Variants in TENM2 observed in about 807,000 individuals in gnomAD.
TENM2 encodes teneurin transmembrane protein 2, also known as teneurin-2.
A neutral mutation model predicts 245.2 loss-of-function variants in TENM2; 52 were observed. That is an observed-to-expected ratio of 0.21 (90% CI 0.17 to 0.27). The LOEUF is 0.27. Among genes scored for constraint, TENM2 ranks in the 10% least tolerant of loss-of-function variants. The probability of loss-of-function intolerance (pLI) is 1.00; values close to 1 mark genes in which losing one functional copy is unlikely to be tolerated. For synonymous variants in TENM2, 1,363 were observed against 1,438.9 expected, an observed-to-expected ratio of 0.95 and a Z score of 1.19; for missense variants, 3,046 against 3,666.8, an observed-to-expected ratio of 0.83 and a Z score of 4.37.
intron 12 of TENM2, among the ~76,000 whole-genome samples, chr5:168,141,784 A>C (rs962239817): frequency 4.6e-5 from 7 of 152,228 alleles, no homozygotes; most frequent in Non-Finnish European, 1.0e-4. Context: ...CCACTTGGCT[A>C]TGCAGAATGA....
intron 2 of TENM2, among the ~76,000 whole-genome samples, chr5:167,704,998 A>G (rs1758407910): frequency 6.6e-6 from 1 of 152,156 alleles, no homozygotes; most frequent in Non-Finnish European, 1.5e-5. Flanking sequence ...TGGAGATTGA[A>G]TACTTTGAAG....
chr5:167,870,724 A>ATATG (rs1554135356), intron 2 of TENM2, among the ~76,000 whole-genome samples: 2 of 142,842 alleles, frequency 1.4e-5, no homozygotes, highest in African/African-American at 2.6e-5. Context: ...ATATATATAT[A>ATATG]TGTGTGATAA....
At chr5:167,210,338 C>G in the TENM2 span, among the ~76,000 whole-genome samples, 349 of 152,108 alleles carry the variant, frequency 2.3e-3, 3 homozygotes, top group African/African-American at 7.2e-3. Flanking sequence ...TCATATTCTG[C>G]AAAGCAGTCC....
In TENM2 at chr5:167,543,201, G is replaced by T. The variant is rs535353625; in HGVS notation, c.502+167728G>T. On this transcript the variant is annotated intron_variant, in intron 2 of 28. Transcript: ENST00000518659. ...GAGGGGGTGGTACTCTTATCATCCT[G>T]CAAGCTAGGCTGAGCTTCCTCAAAC... Among the ~76,000 whole-genome samples, 3 of 152,134 alleles carry T rather than the reference G, an allele frequency of 2.0e-5. No individual in the cohort carries two copies. In the South Asian group the frequency reaches 6.2e-4, roughly 31 times the overall value.
chr5:167,885,864 A>C (rs1774242567), intron 3 of TENM2, among the ~76,000 whole-genome samples: 1 of 152,136 alleles, frequency 6.6e-6, no homozygotes, highest in East Asian at 1.9e-4. Context: ...TTGCATTTTT[A>C]GTAGAGACTG....
chr5:167,662,350 G>C (rs1755268775), intron 2 of TENM2, among the ~76,000 whole-genome samples: 1 of 152,128 alleles, frequency 6.6e-6, no homozygotes, highest in South Asian at 2.1e-4. Flanking sequence ...CATGATCTTG[G>C]TTTATGTGTG....
At chr5:166,997,495 C>T in the TENM2 span, among the ~76,000 whole-genome samples, 1 of 152,104 alleles carries the variant, frequency 6.6e-6, no homozygotes, top group African/African-American at 2.4e-5. Flanking sequence ...TGGTATAGGG[C>T]CCTCCCTGAA....
At chr5:167,325,663 T>A (rs1044288320) in intron 1 of TENM2, among the ~76,000 whole-genome samples, 10 of 152,246 alleles carry the variant, frequency 6.6e-5, no homozygotes, top group Admixed American at 2.0e-4. Context: ...GTTCAAGAGC[T>A]ATACACTGGT....
Position 168,199,136 on chromosome 5 carries a change from C to T in TENM2, c.3162+22C>T, listed in dbSNP as rs541652743. 2.3e-5 allele frequency: 37 copies of T among 1,601,436 alleles called. No individual in the cohort carries two copies. In the East Asian group the frequency reaches 6.1e-4, roughly 26 times the overall value. On this transcript the variant is annotated intron_variant, in intron 16 of 28. Transcript: ENST00000518659. ...CCAGGTAGGAATGGCAGTGCCAGGG[C>T]GGGACTCTCAGGACTTCCCTAACGA...
chr5:168,154,610 A>G (rs988887169), intron 12 of TENM2, among the ~76,000 whole-genome samples: 4 of 152,196 alleles, frequency 2.6e-5, no homozygotes, highest in Non-Finnish European at 5.9e-5. Flanking sequence ...GGCTGAGCCT[A>G]CTGCCTTCCT....
At chr5:167,422,472 G>A (rs1763569913) in intron 2 of TENM2, among the ~76,000 whole-genome samples, 1 of 152,056 alleles carries the variant, frequency 6.6e-6, no homozygotes, top group Admixed American at 6.6e-5. Context: ...ACATTTTAAG[G>A]GATTTTCAAC....
At chr5:167,205,667 C>T in the TENM2 span, among the ~76,000 whole-genome samples, 1 of 152,126 alleles carries the variant, frequency 6.6e-6, no homozygotes, top group Non-Finnish European at 1.5e-5. Flanking sequence ...CAGACAACAA[C>T]GTCTACTGAT....
chr5:168,152,670 C>T (rs2152427389), intron 12 of TENM2, among the ~76,000 whole-genome samples: 1 of 152,302 alleles, frequency 6.6e-6, no homozygotes, highest in South Asian at 2.1e-4. Context: ...CTTGATTCAC[C>T]TCCAAAAACC....
intron 2 of TENM2, among the ~76,000 whole-genome samples, chr5:167,500,968 T>C (rs1273380834): frequency 2.0e-5 from 3 of 152,152 alleles, no homozygotes; most frequent in African/African-American, 7.2e-5. Flanking sequence ...TAGTAAGATT[T>C]TAAAGAACAA....
At chr5:167,065,908 C>T in the TENM2 span, among the ~76,000 whole-genome samples, 14 of 152,300 alleles carry the variant, frequency 9.2e-5, no homozygotes, top group South Asian at 2.1e-4. Context: ...TGTACTGTAT[C>T]GCTTTCAGTG....
At chr5:168,250,415 C>T (rs2152698401) in intron 27 of TENM2, among the ~76,000 whole-genome samples, 1 of 152,258 alleles carries the variant, frequency 6.6e-6, no homozygotes, top group South Asian at 2.1e-4. Flanking sequence ...GGACCCAAGA[C>T]CAGAACCCCA....
intron 2 of TENM2, among the ~76,000 whole-genome samples, chr5:167,404,973 T>G (rs1352506456): frequency 6.6e-6 from 1 of 152,122 alleles, no homozygotes; most frequent in African/African-American, 2.4e-5. Context: ...GCAGCATCCA[T>G]CAATCTACTT....
chr5:167,987,167 C>G (rs1157465203), intron 4 of TENM2, among the ~76,000 whole-genome samples: 1 of 151,972 alleles, frequency 6.6e-6, no homozygotes, highest in Admixed American at 6.6e-5. Context: ...GAAACTTCAC[C>G]TAAAGACGCC....
chr5:168,246,973 T>C (rs774386166), exon 27 of TENM2: 9 of 1,613,956 alleles, frequency 5.6e-6, no homozygotes, highest in Non-Finnish European at 7.6e-6. Flanking sequence ...GACCTCCTTT[T>C]TGGGCACCGG....
Sources: allele counts gnomAD v4.1 joint callset (sites outside exome capture counted in the v4.1 genomes callset), GRCh38; gene constraint gnomAD v4.1.1; transcripts MANE v1.5; gene names NCBI Gene and HGNC (gene_info 2026-07-23, HGNC 2026-07-21).